Variants in MMP16 observed in about 807,000 individuals in gnomAD.
MMP16 encodes matrix metallopeptidase 16.
MMP16 carries 12 observed loss-of-function variants against 67.8 expected under a neutral mutation model. The observed-to-expected ratio is 0.18, with a 90% CI of 0.11 to 0.29. MMP16 has a LOEUF of 0.29. Among genes scored for constraint, MMP16 ranks in the 10% least tolerant of loss-of-function variants. MMP16 has a pLI of 1.00. For missense variants in MMP16, 475 were observed against 765.7 expected, an observed-to-expected ratio of 0.62 and a Z score of 4.48; for synonymous variants, 249 against 255.9, an observed-to-expected ratio of 0.97 and a Z score of 0.26.
intron 1 of MMP16, among the ~76,000 whole-genome samples, chr8:88,270,342 T>C (rs1810545804): frequency 6.6e-6 from 1 of 152,182 alleles, no homozygotes; most frequent in Non-Finnish European, 1.5e-5. Context: ...CTTCTGTGAA[T>C]ACCAGGGAGA....
chr8:88,273,370 C>G (rs560992457), intron 1 of MMP16, among the ~76,000 whole-genome samples: 1 of 151,522 alleles, frequency 6.6e-6, no homozygotes, highest in East Asian at 2.0e-4. Flanking sequence ...GGATTACAGG[C>G]GTGAGCCACC....
intron 4 of MMP16, among the ~76,000 whole-genome samples, chr8:88,126,052 T>C (rs1431753798): frequency 6.6e-6 from 1 of 151,920 alleles, no homozygotes; most frequent in Non-Finnish European, 1.5e-5. Context: ...TATATGGCAA[T>C]CCTGGTAATA....
chr8:88,107,403 T>G (rs1188103806), intron 6 of MMP16, among the ~76,000 whole-genome samples: 1 of 151,064 alleles, frequency 6.6e-6, no homozygotes, highest in African/African-American at 2.4e-5. Context: ...AAAGTAATTT[T>G]TTACAATACT....
chr8:88,288,979 G>C (rs914324112), intron 1 of MMP16, among the ~76,000 whole-genome samples: 17 of 152,318 alleles, frequency 1.1e-4, no homozygotes, highest in Middle Eastern at 3.4e-3. Context: ...ATTTCAATTT[G>C]TTGGTACAAA....
intron 1 of MMP16, among the ~76,000 whole-genome samples, chr8:88,233,155 G>C (rs904636731): frequency 6.6e-6 from 1 of 152,156 alleles, no homozygotes; most frequent in African/African-American, 2.4e-5. Context: ...ATTCTTAGCA[G>C]AGTATCTAGC....
intron 1 of MMP16, among the ~76,000 whole-genome samples, chr8:88,306,106 T>C (rs1237924321): frequency 1.3e-5 from 2 of 151,580 alleles, no homozygotes; most frequent in East Asian, 3.9e-4. Flanking sequence ...AAGGGGGATG[T>C]CACCATTGAC....
intron 1 of MMP16, among the ~76,000 whole-genome samples, chr8:88,313,329 A>G (rs1175700048): frequency 3.3e-5 from 5 of 152,168 alleles, no homozygotes; most frequent in Non-Finnish European, 5.9e-5. Flanking sequence ...TATATTTTCA[A>G]TATGTACAGA....
intron 4 of MMP16, among the ~76,000 whole-genome samples, chr8:88,136,935 GACAA>G (rs1156388325): frequency 6.6e-6 from 1 of 151,640 alleles, no homozygotes; most frequent in Non-Finnish European, 1.5e-5. Context: ...CTTACATAGT[GACAA>G]ACAGTTCTAA....
intron 1 of MMP16, among the ~76,000 whole-genome samples, chr8:88,203,903 C>T (rs553805815): frequency 1.3e-4 from 20 of 152,140 alleles, no homozygotes; most frequent in African/African-American, 4.3e-4. Context: ...ATATGAGAAA[C>T]AAAAATCTTT....
chr8:88,143,378 G>A (rs769744381), intron 4 of MMP16, among the ~76,000 whole-genome samples: 5 of 151,972 alleles, frequency 3.3e-5, no homozygotes, highest in East Asian at 3.9e-4. Context: ...ATTTTCTTCC[G>A]TATCTTCAGC....
chr8:88,096,654 C>A (rs1809031943), intron 6 of MMP16, among the ~76,000 whole-genome samples: 3 of 151,830 alleles, frequency 2.0e-5, no homozygotes. Context: ...TGTCTAAAGC[C>A]AGTCCCTGTC....
intron 4 of MMP16, among the ~76,000 whole-genome samples, chr8:88,159,947 G>T (rs117616861): frequency 0.053 from 7,792 of 145,708 alleles, 268 homozygotes; most frequent in South Asian, 0.11. Flanking sequence ...TTGATTTGTT[G>T]TTTTTTTTTC....
At chr8:88,053,458 CTTTAAGGACTTGAATTT>C (rs1487785673) in intron 8 of MMP16, among the ~76,000 whole-genome samples, 3 of 152,184 alleles carry the variant, frequency 2.0e-5, no homozygotes, top group Non-Finnish European at 4.4e-5. Flanking sequence ...CACCTGATCT[CTTTAAGGACTTGAATTT>C]TTTACAGCGG....
At position 88,036,773 on chromosome 8, in the gene MMP16, T is replaced by C. The variant is rs968590351; in HGVS notation, c.*4688A>G. ...TTTTTGGTTTATATAGCATATTCTA[T>C]TTGACATCTGTGATACTTTGGAATA... On this transcript the variant is annotated 3_prime_UTR_variant, in exon 10 of 10. Coordinates refer to ENST00000286614, the MANE Select transcript of MMP16 (RefSeq NM_005941.5). The C allele has an allele frequency of 1.3e-5, 2 of 151,774 alleles. No individual in the cohort carries two copies. Among genetic ancestry groups the C allele is most frequent in the African/African-American group, 4.8e-5 (2 of 41,390 alleles). 9.4% of individuals were successfully genotyped at this position (151,774 alleles called of 1,614,324 possible).
At chr8:88,159,135 T>A (rs570421128) in intron 4 of MMP16, among the ~76,000 whole-genome samples, 91 of 152,192 alleles carry the variant, frequency 6.0e-4, no homozygotes, top group African/African-American at 2.1e-3. Flanking sequence ...CTTAGGATTG[T>A]CTTGGCAATG....
intron 1 of MMP16, among the ~76,000 whole-genome samples, chr8:88,290,846 C>T (rs1303604403): frequency 1.3e-5 from 2 of 152,004 alleles, no homozygotes; most frequent in Non-Finnish European, 2.9e-5. Flanking sequence ...AGGGAAGCAA[C>T]CATAATCTAA....
At chr8:88,227,901 A>AT (rs1391807834) in intron 1 of MMP16, among the ~76,000 whole-genome samples, 20 of 152,080 alleles carry the variant, frequency 1.3e-4, no homozygotes, top group Admixed American at 1.2e-3. Context: ...TATTTAAAAA[A>AT]ATATATTTAA....
chr8:88,320,354 A>G (rs1311415583), intron 1 of MMP16, among the ~76,000 whole-genome samples: 2 of 152,176 alleles, frequency 1.3e-5, no homozygotes, highest in Admixed American at 1.3e-4. Flanking sequence ...TCCACCTCTA[A>G]TCTATAAAAC....
At chr8:88,169,739 A>G (rs1047824063) in intron 3 of MMP16, among the ~76,000 whole-genome samples, 2 of 152,192 alleles carry the variant, frequency 1.3e-5, no homozygotes, top group African/African-American at 4.8e-5. Flanking sequence ...GGTTCAAAGA[A>G]CAGCAAGGCA....
Sources: gnomAD v4.1 joint callset for allele counts (sites outside exome capture counted in the v4.1 genomes callset) on GRCh38, gnomAD v4.1.1 for gene constraint, MANE v1.5 for transcripts, NCBI Gene and HGNC (gene_info 2026-07-23, HGNC 2026-07-21) for gene names.